CATSPERE: variants seen among roughly 807,000 people sequenced by gnomAD.
The protein encoded by CATSPERE is cation channel sperm-associated auxiliary subunit epsilon.
CATSPERE carries 93 observed loss-of-function variants against 114.1 expected under a neutral mutation model. The ratio of observed to expected loss-of-function variants is 0.81; its 90% CI spans 0.69 to 0.97. CATSPERE has a LOEUF of 0.97. Ranked by LOEUF, CATSPERE falls within the 50% of genes least tolerant of loss-of-function variation. The probability of loss-of-function intolerance (pLI) is 0.00; values close to 1 mark genes in which losing one functional copy is unlikely to be tolerated. For synonymous variants in CATSPERE, 341 were observed against 384.1 expected, an observed-to-expected ratio of 0.89 and a Z score of 1.31; for missense variants, 1,058 against 1,131.6, an observed-to-expected ratio of 0.93 and a Z score of 0.93.
At chr1:244,464,465 T>TA (rs58580001) in intron 2 of CATSPERE, among the ~76,000 whole-genome samples, 2,976 of 152,322 alleles carry the variant, frequency 0.02, 107 homozygotes, top group African/African-American at 0.067. Flanking sequence ...TCACAAACAA[T>TA]ACTGGAATGA....
chr1:244,458,131 C>T (rs1666324694), upstream of CATSPERE, among the ~76,000 whole-genome samples: 1 of 151,982 alleles, frequency 6.6e-6, no homozygotes, highest in Admixed American at 6.6e-5. Flanking sequence ...TTAACAGGTG[C>T]TCTTAAATGC....
At chr1:244,493,434 T>C (rs1672574459) in intron 6 of CATSPERE, among the ~76,000 whole-genome samples, 1 of 152,136 alleles carries the variant, frequency 6.6e-6, no homozygotes, top group African/African-American at 2.4e-5. Context: ...CCTTACACCT[T>C]ATACAAAAAT....
chr1:244,474,425 ATCT>A (rs1448802311), intron 2 of CATSPERE, among the ~76,000 whole-genome samples: 13 of 151,790 alleles, frequency 8.6e-5, no homozygotes, highest in African/African-American at 2.7e-4. Context: ...ATTTTCAATG[ATCT>A]TCTTCTATGT....
At chr1:244,481,516 C>G (rs1246557347) in intron 5 of CATSPERE, among the ~76,000 whole-genome samples, 1 of 152,020 alleles carries the variant, frequency 6.6e-6, no homozygotes, top group Non-Finnish European at 1.5e-5. Context: ...AAAAAAGGAC[C>G]TGCCCCTTTG....
chr1:244,631,957 C>T (rs971928922), intron 20 of CATSPERE, among the ~76,000 whole-genome samples: 5 of 152,194 alleles, frequency 3.3e-5, no homozygotes, highest in African/African-American at 1.2e-4. Context: ...TGGTATTCAC[C>T]CAAATGAGGC....
chr1:244,511,480 T>C (rs1028947926), intron 7 of CATSPERE, among the ~76,000 whole-genome samples: 2 of 152,230 alleles, frequency 1.3e-5, no homozygotes, highest in Non-Finnish European at 2.9e-5. Flanking sequence ...TTATTATTTA[T>C]AGGTGAGGAC....
At chr1:244,525,131 C>T (rs1288131020) in intron 8 of CATSPERE, among the ~76,000 whole-genome samples, 1 of 149,768 alleles carries the variant, frequency 6.7e-6, no homozygotes, top group Non-Finnish European at 1.5e-5. Flanking sequence ...AAATGTGGCA[C>T]ATATACACCA....
intron 8 of CATSPERE, among the ~76,000 whole-genome samples, chr1:244,542,695 GGT>G (rs1230733977): frequency 6.6e-6 from 1 of 152,056 alleles, no homozygotes. Context: ...AGTATACCAT[GGT>G]GTATAAGACT....
intron 13 of CATSPERE, among the ~76,000 whole-genome samples, chr1:244,587,390 A>T (rs979642398): frequency 3.3e-5 from 5 of 152,236 alleles, no homozygotes; most frequent in Non-Finnish European, 7.3e-5. Context: ...AGCCTTTTCC[A>T]TATCAAATGC....
chr1:244,546,710 G>A (rs759375508), intron 8 of CATSPERE, among the ~76,000 whole-genome samples: 1 of 152,064 alleles, frequency 6.6e-6, no homozygotes, highest in East Asian at 1.9e-4. Flanking sequence ...ATGCAATAGA[G>A]AGCATCAACA....
At chr1:244,517,653 A>AT (rs1477507349) in intron 7 of CATSPERE, among the ~76,000 whole-genome samples, 1 of 151,724 alleles carries the variant, frequency 6.6e-6, no homozygotes, top group Non-Finnish European at 1.5e-5. Context: ...CATGCCTATA[A>AT]TCTCAGCTAC....
intron 19 of CATSPERE, among the ~76,000 whole-genome samples, chr1:244,611,714 G>A (rs575044141): frequency 6.6e-6 from 1 of 152,290 alleles, no homozygotes; most frequent in Admixed American, 6.5e-5. Flanking sequence ...CAAGGGTCTG[G>A]AGTTAGGGAC....
intron 7 of CATSPERE, among the ~76,000 whole-genome samples, chr1:244,509,331 C>T (rs558009995): frequency 6.6e-6 from 1 of 151,958 alleles, no homozygotes; most frequent in South Asian, 2.1e-4. Flanking sequence ...TCTGTTAAGA[C>T]AATCATATGG....
At chr1:244,474,109 G>A (rs1668900664) in intron 2 of CATSPERE, among the ~76,000 whole-genome samples, 2 of 151,802 alleles carry the variant, frequency 1.3e-5, no homozygotes, top group Admixed American at 1.3e-4. Flanking sequence ...TCGACTCACT[G>A]CAACCTCCGA....
intron 10 of CATSPERE, among the ~76,000 whole-genome samples, chr1:244,565,931 G>T (rs1164376213): frequency 6.6e-6 from 1 of 152,154 alleles, no homozygotes; most frequent in East Asian, 1.9e-4. Context: ...TGATGTTAGG[G>T]TGTCAATTTT....
intron 13 of CATSPERE, among the ~76,000 whole-genome samples, chr1:244,588,230 C>T (rs891672083): frequency 3.4e-5 from 5 of 148,722 alleles, no homozygotes; most frequent in African/African-American, 1.3e-4. Flanking sequence ...TGGATCAATT[C>T]CCTGAGACAC....
chr1:244,544,267 A>G (rs1659367693), intron 8 of CATSPERE, among the ~76,000 whole-genome samples: 1 of 152,204 alleles, frequency 6.6e-6, no homozygotes, highest in African/African-American at 2.4e-5. Flanking sequence ...CATTGGGGAA[A>G]AAAGGAAATA....
intron 6 of CATSPERE, among the ~76,000 whole-genome samples, chr1:244,494,540 C>A (rs1187211702): frequency 4.7e-5 from 7 of 150,148 alleles, no homozygotes; most frequent in Admixed American, 2.0e-4. Flanking sequence ...CAACATGGCA[C>A]ATGTATACAT....
chr1:244,538,301 GA>G (rs1386823452), intron 8 of CATSPERE, among the ~76,000 whole-genome samples: 2 of 152,080 alleles, frequency 1.3e-5, no homozygotes, highest in Admixed American at 6.6e-5. Context: ...ATGACAGGGA[GA>G]AAAAAAATTT....
Sources: gnomAD v4.1 joint callset for allele counts (sites outside exome capture counted in the v4.1 genomes callset) on GRCh38, gnomAD v4.1.1 for gene constraint, MANE v1.5 for transcripts, NCBI Gene and HGNC (gene_info 2026-07-23, HGNC 2026-07-21) for gene names.